Variants in ZNF33B observed in about 807,000 individuals in gnomAD.
ZNF33B encodes the protein zinc finger protein 33B.
In ZNF33B, 29 loss-of-function variants were observed where a neutral mutation model predicts 45.8. The observed-to-expected ratio is 0.63, with a 90% CI of 0.47 to 0.86. ZNF33B has a LOEUF of 0.86. Ranked by LOEUF, ZNF33B falls within the 40% of genes least tolerant of loss-of-function variation. ZNF33B has a pLI of 0.00. For missense variants in ZNF33B, 831 were observed against 909.9 expected (o/e 0.91, Z 1.12); for synonymous variants, 305 against 307.8 (o/e 0.99, Z 0.10).
chr10:42,617,420 A>G (rs504209), intron 4 of ZNF33B, among the ~76,000 whole-genome samples: 4,615 of 152,132 alleles, frequency 0.03, 204 homozygotes, highest in East Asian at 0.13. Context: ...CAATTCTTGA[A>G]TTGACATGCA....
chr10:42,601,646 G>A (rs967212070), intron 4 of ZNF33B, among the ~76,000 whole-genome samples: 3 of 150,922 alleles, frequency 2.0e-5, no homozygotes, highest in African/African-American at 4.9e-5. Context: ...GCTAATTTTT[G>A]TATTTTTAGT....
intron 1 of ZNF33B, chr10:42,579,639 T>C (rs1836797169): frequency 6.6e-6 from 1 of 152,520 alleles, no homozygotes; most frequent in South Asian, 2.1e-4. Flanking sequence ...AGAAGGTCTG[T>C]ATCTGCATCA....
At chr10:42,636,692 C>G (rs967343461) in intron 2 of ZNF33B, 1 of 569,146 alleles carries the variant, frequency 1.8e-6, no homozygotes, top group Non-Finnish European at 3.1e-6. Flanking sequence ...TGGCGGCCTG[C>G]GCCTGTAGTC....
chr10:42,608,868 T>C (rs1417223474), intron 4 of ZNF33B, among the ~76,000 whole-genome samples: 2 of 148,132 alleles, frequency 1.4e-5, no homozygotes, highest in East Asian at 1.9e-4. Flanking sequence ...AACCTCTAAT[T>C]AGACTGACAA....
downstream of ZNF33B, among the ~76,000 whole-genome samples, chr10:42,588,066 G>T (rs189797304): frequency 6.1e-4 from 90 of 147,314 alleles, 2 homozygotes; most frequent in East Asian, 0.013. Context: ...AGTCTATAGG[G>T]ATGTTCCATG....
intron 4 of ZNF33B, among the ~76,000 whole-genome samples, chr10:42,617,674 A>T (rs1233323102): frequency 6.6e-6 from 1 of 152,166 alleles, no homozygotes; most frequent in African/African-American, 2.4e-5. Context: ...CATCACCAGG[A>T]TCCCACACAT....
chr10:42,602,864 T>C (rs1339180975), intron 4 of ZNF33B, among the ~76,000 whole-genome samples: 2 of 152,136 alleles, frequency 1.3e-5, no homozygotes, highest in African/African-American at 4.8e-5. Flanking sequence ...CATGAGCTGA[T>C]TAGTACTTTG....
intron 4 of ZNF33B, among the ~76,000 whole-genome samples, chr10:42,627,531 T>G (rs1167397299): frequency 6.6e-6 from 1 of 152,228 alleles, no homozygotes; most frequent in African/African-American, 2.4e-5. Flanking sequence ...TTTTACTGAT[T>G]TCTGCTTCCA....
chr10:42,619,649 G>A lies in ZNF33B; in HGVS notation c.250+12280C>T, dbSNP rs147443369. On this transcript the variant is annotated intron_variant, in intron 4 of 4. Transcript: ENST00000359467. ...TTTTTACTTCCTGCAGGACTTAAAAGACAAATGGATAAGAACTAAATATAA... is the reference window on the plus strand; with the variant it reads ...TTTTTACTTCCTGCAGGACTTAAAAAACAAATGGATAAGAACTAAATATAA... Among the ~76,000 whole-genome samples, 253 of 152,190 alleles carry A rather than the reference G, an allele frequency of 1.7e-3. 1 individual carries two copies. The highest frequency in any genetic ancestry group is 6.0e-3 in the African/African-American group (249 of 41,520).
At position 42,615,210 on chromosome 10, in the gene ZNF33B, A is replaced by T. The variant is rs71505628; in HGVS notation, c.250+16719T>A. ...AGAGACACCATATAACCAGCATTCT[A>T]CTTCTAAGTATATATCTGAAATGAC... On this transcript the variant is annotated intron_variant, in intron 4 of 4. Transcript: ENST00000359467. Among the ~76,000 whole-genome samples, 357 of 152,332 alleles carry T rather than the reference A, an allele frequency of 2.3e-3. 1 individual carries two copies. The highest frequency in any genetic ancestry group is 0.01 in the Middle Eastern group (3 of 294).
At chr10:42,622,923 G>A (rs1423047195) in intron 4 of ZNF33B, among the ~76,000 whole-genome samples, 1 of 152,238 alleles carries the variant, frequency 6.6e-6, no homozygotes, top group Non-Finnish European at 1.5e-5. Context: ...AAAACTTTGG[G>A]TTTGGTGATG....
Position 42,593,533 on chromosome 10 carries a change from C to T in ZNF33B, c.1417G>A (p.Glu473Lys), listed in dbSNP as rs1463222465. ...HTGEKPFECL[E>K]CGKSFCQKSH... is the part of the protein sequence containing the mutation. Reference sequence around the variant, plus strand: ...TTTTGACAAAAGGATTTCCCACACTCAAGACATTCAAAAGGTTTCTCACCT... The same window carrying T: ...TTTTGACAAAAGGATTTCCCACACTTAAGACATTCAAAAGGTTTCTCACCT... The change falls in exon 5 of 5, where the codon GAG becomes AAG. Residue 473 changes from glutamate (E) to lysine (K), a missense_variant. Physicochemically the swap from Glu to Lys is moderately conservative, Grantham distance 56. Coordinates refer to ENST00000359467, the MANE Select transcript of ZNF33B (RefSeq NM_006955.3). 2 of 1,613,888 alleles carry T rather than the reference C, an allele frequency of 1.2e-6. No individual in the cohort carries two copies. Among genetic ancestry groups the T allele is most frequent in the African/African-American group, 2.7e-5 (2 of 74,894 alleles).
intron 4 of ZNF33B, among the ~76,000 whole-genome samples, chr10:42,616,566 T>G (rs1392486761): frequency 6.6e-6 from 1 of 152,162 alleles, no homozygotes; most frequent in African/African-American, 2.4e-5. Context: ...ATTTTTTTCT[T>G]GTCTGTGTAA....
chr10:42,635,295 G>T (rs1192345894), intron 2 of ZNF33B, among the ~76,000 whole-genome samples: 1 of 151,906 alleles, frequency 6.6e-6, no homozygotes, highest in East Asian at 1.9e-4. Flanking sequence ...AGGCCAAAAG[G>T]TTCCTGTCAC....
chr10:42,632,343 G>A lies in ZNF33B; in HGVS notation c.106C>T (p.Leu36=). Residue 36 remains leucine, a synonymous_variant, in exon 3 of 5, where the codon CTG becomes TTG. Transcript: ENST00000359467. The part of the protein sequence containing the change: ...WQHLDPSQRA[L]YRDVMLENYS... Reference sequence around the variant, plus strand: ...TTCTCCAGCATCACATCTCTATACAGAGCCCTCTGACTAGGGTCCAGGTGC... The same window carrying A: ...TTCTCCAGCATCACATCTCTATACAAAGCCCTCTGACTAGGGTCCAGGTGC... The A allele has an allele frequency of 6.2e-7, 1 of 1,613,276 alleles. No homozygotes were observed. The highest frequency in any genetic ancestry group is 8.5e-7 in the Non-Finnish European group (1 of 1,179,840).
At chr10:42,630,246 T>TA (rs2132158206) in intron 4 of ZNF33B, among the ~76,000 whole-genome samples, 1 of 152,292 alleles carries the variant, frequency 6.6e-6, no homozygotes, top group Non-Finnish European at 1.5e-5. Flanking sequence ...TTTCAAAAGA[T>TA]ACAGAATTTT....
At chr10:42,583,724 A>T (rs1455437584) in intron 1 of ZNF33B, among the ~76,000 whole-genome samples, 1 of 152,060 alleles carries the variant, frequency 6.6e-6, no homozygotes, top group Non-Finnish European at 1.5e-5. Context: ...CCAGTGCAAT[A>T]CTTCCCTTAA....
chr10:42,601,953 C>T (rs1471350745), intron 4 of ZNF33B, among the ~76,000 whole-genome samples: 4 of 135,044 alleles, frequency 3.0e-5, no homozygotes, highest in African/African-American at 1.1e-4. Flanking sequence ...GGTCTCACTC[C>T]ATCACCCAGG....
At chr10:42,574,813 A>G (rs1423528359) in intron 1 of ZNF33B, 2 of 152,234 alleles carry the variant, frequency 1.3e-5, no homozygotes, top group Non-Finnish European at 2.9e-5. Context: ...CCCCAAAACT[A>G]GCACAGAGGA....
Sources: allele counts gnomAD v4.1 joint callset (sites outside exome capture counted in the v4.1 genomes callset), GRCh38; gene constraint gnomAD v4.1.1; transcripts MANE v1.5; gene names NCBI Gene and HGNC (gene_info 2026-07-23, HGNC 2026-07-21).